The following CLEC2A variants were observed in gnomAD, a reference collection of about 807,000 sequenced individuals.
CLEC2A encodes the protein keratinocyte-associated C-type lectin.
In CLEC2A, 19 loss-of-function variants were observed where a neutral mutation model predicts 18.6. The ratio of observed to expected loss-of-function variants is 1.02; its 90% CI spans 0.71 to 1.50. The LOEUF (loss-of-function observed/expected upper bound fraction) is 1.50. Ranked by LOEUF, CLEC2A falls within the 40% of genes most tolerant of loss-of-function variation. The pLI is 0.00. For synonymous variants in CLEC2A, 74 were observed against 64.0 expected (o/e 1.16, Z -0.75); for missense variants, 190 against 207.9 (o/e 0.91, Z 0.53).
chr12:9,905,478 A>G (rs570255547), intron 4 of CLEC2A, among the ~76,000 whole-genome samples: 228 of 152,340 alleles, frequency 1.5e-3, no homozygotes, highest in African/African-American at 5.4e-3. Flanking sequence ...AGTTTCAAAC[A>G]TAGGAATATC....
At chr12:9,922,749 C>T (rs917559538) in intron 2 of CLEC2A, among the ~76,000 whole-genome samples, 2 of 152,132 alleles carry the variant, frequency 1.3e-5, no homozygotes, top group Admixed American at 6.5e-5. Context: ...AATGAAAGCA[C>T]ATTGTTTGGA....
At chr12:9,881,472 T>C in the CLEC2A span, 1 of 646,652 alleles carries the variant, frequency 1.5e-6, no homozygotes, top group Non-Finnish European at 2.6e-6. Flanking sequence ...ATTTTGACTA[T>C]TTTTGGCCTT....
rs80077287 is a variant in CLEC2A at position 9,900,373 on chromosome 12, T to C, written c.411-1397A>G. Among the ~76,000 whole-genome samples, 250 of 152,254 alleles carry C rather than the reference T, an allele frequency of 1.6e-3. 2 individuals carry two copies. The highest frequency in any genetic ancestry group is 5.8e-3 in the African/African-American group (240 of 41,548). ...AGTGATCTTAGAATTTAATAACAAA[T>C]GTATAAGCTTTGAAATCTAGTTCTC... is the stretch of plus-strand genomic sequence containing the variant. On this transcript the variant is annotated intron_variant, in intron 4 of 4. Coordinates refer to the CLEC2A transcript ENST00000339766.
At chr12:9,906,880 G>T (rs12297153) in intron 4 of CLEC2A, among the ~76,000 whole-genome samples, 1 of 152,046 alleles carries the variant, frequency 6.6e-6, no homozygotes, top group South Asian at 2.1e-4. Flanking sequence ...ACCCTGTTAA[G>T]AAACCTGCTG....
chr12:9,886,855 G>A, the CLEC2A span, among the ~76,000 whole-genome samples: 1 of 151,918 alleles, frequency 6.6e-6, no homozygotes, highest in East Asian at 1.9e-4. Flanking sequence ...TGGACTGGTG[G>A]TCGGTGCAAT....
At chr12:9,917,290 T>C (rs901088595) in intron 3 of CLEC2A, among the ~76,000 whole-genome samples, 1 of 152,162 alleles carries the variant, frequency 6.6e-6, no homozygotes, top group African/African-American at 2.4e-5. Context: ...GTCATGAAGG[T>C]TTGTTTTACA....
At chr12:9,918,906 A>G (rs531311271) in intron 3 of CLEC2A, among the ~76,000 whole-genome samples, 1 of 152,292 alleles carries the variant, frequency 6.6e-6, no homozygotes, top group South Asian at 2.1e-4. Context: ...AGCTTTGTGC[A>G]GGGTCTTTAT....
downstream of CLEC2A, among the ~76,000 whole-genome samples, chr12:9,898,430 G>T (rs1415517621): frequency 6.6e-6 from 1 of 151,972 alleles, no homozygotes; most frequent in Non-Finnish European, 1.5e-5. Flanking sequence ...GCCTTCCCTG[G>T]TATGTAAACC....
chr12:9,929,791 G>A (rs528568905), intron 1 of CLEC2A, among the ~76,000 whole-genome samples: 2 of 152,116 alleles, frequency 1.3e-5, no homozygotes, highest in African/African-American at 4.8e-5. Flanking sequence ...GTTTTTTGAA[G>A]CAAGATGTCC....
the CLEC2A span, chr12:9,892,892 T>C: frequency 3.7e-6 from 3 of 801,428 alleles, no homozygotes; most frequent in Non-Finnish European, 5.5e-6. Context: ...TCTGAACTCC[T>C]TTTTATTGAC....
At chr12:9,888,847 T>G in the CLEC2A span, 1 of 934,856 alleles carries the variant, frequency 1.1e-6, no homozygotes, top group African/African-American at 1.6e-5. Flanking sequence ...TCCCTCTTCC[T>G]GGCGTTCACC....
chr12:9,902,617 T>C (rs1469168211), intron 4 of CLEC2A, among the ~76,000 whole-genome samples: 2 of 151,232 alleles, frequency 1.3e-5, no homozygotes, highest in Non-Finnish European at 2.9e-5. Context: ...AGCTTTGTTC[T>C]TTCGCTCTTT....
intron 1 of CLEC2A, among the ~76,000 whole-genome samples, chr12:9,930,338 T>C (rs933717997): frequency 2.0e-5 from 3 of 152,236 alleles, no homozygotes; most frequent in African/African-American, 7.2e-5. Flanking sequence ...TATAAAATTT[T>C]AAGGGAACAG....
downstream of CLEC2A, among the ~76,000 whole-genome samples, chr12:9,912,120 A>G (rs1176724458): frequency 6.6e-6 from 1 of 152,184 alleles, no homozygotes; most frequent in African/African-American, 2.4e-5. Context: ...CTGATGGGGT[A>G]GAAGAAGGGG....
intron 4 of CLEC2A, among the ~76,000 whole-genome samples, chr12:9,900,702 T>C (rs1489010882): frequency 6.6e-6 from 1 of 152,146 alleles, no homozygotes; most frequent in East Asian, 1.9e-4. Context: ...GAAAGTGACA[T>C]TCTTTACTGA....
chr12:9,887,282 TTAGA>T, the CLEC2A span, among the ~76,000 whole-genome samples: 4 of 151,938 alleles, frequency 2.6e-5, no homozygotes, highest in African/African-American at 9.7e-5. Context: ...AGATGATAGA[TTAGA>T]TAGATAAAGA....
At chr12:9,884,275 A>G in the CLEC2A span, among the ~76,000 whole-genome samples, 1 of 152,056 alleles carries the variant, frequency 6.6e-6, no homozygotes, top group Non-Finnish European at 1.5e-5. Flanking sequence ...ATGAAATACT[A>G]TAGCATAGAT....
chr12:9,893,443 C>T, the CLEC2A span: 3 of 1,458,986 alleles, frequency 2.1e-6, no homozygotes, highest in Non-Finnish European at 1.9e-6. Flanking sequence ...TCATACAGAA[C>T]AGTTTAAAAC....
At chr12:9,912,508 G>T (rs979609757), downstream of CLEC2A, among the ~76,000 whole-genome samples, 1 of 152,096 alleles carries the variant, frequency 6.6e-6, no homozygotes, top group Non-Finnish European at 1.5e-5. Flanking sequence ...CATTTCATTC[G>T]CCTCTTCTCG....
Sources: allele counts gnomAD v4.1 joint callset (sites outside exome capture counted in the v4.1 genomes callset), GRCh38; gene constraint gnomAD v4.1.1; transcripts MANE v1.5; gene names NCBI Gene and HGNC (gene_info 2026-07-23, HGNC 2026-07-21).